BTRC: variants seen among roughly 807,000 people sequenced by gnomAD.
The protein encoded by BTRC is beta-transducin repeat containing E3 ubiquitin protein ligase.
Under a neutral mutation model 85.5 loss-of-function variants are expected in BTRC, and 42 were observed. The observed-to-expected ratio is 0.49, with a 90% CI of 0.38 to 0.64. The LOEUF is 0.64. BTRC is among the 30% of genes least tolerant of loss of function. The pLI, the probability that BTRC is intolerant of heterozygous loss-of-function variation, is 0.00. For missense variants in BTRC, 594 were observed against 743.5 expected (o/e 0.80, Z 2.34); for synonymous variants, 255 against 263.3 (o/e 0.97, Z 0.30).
intron 2 of BTRC, among the ~76,000 whole-genome samples, chr10:101,460,256 G>T (rs1050748543): frequency 6.6e-6 from 1 of 151,874 alleles, no homozygotes; most frequent in African/African-American, 2.4e-5. Flanking sequence ...CATACAACTT[G>T]ATGTTATGGG....
At chr10:101,467,675 T>G (rs1198116829) in intron 3 of BTRC, among the ~76,000 whole-genome samples, 2 of 152,082 alleles carry the variant, frequency 1.3e-5, no homozygotes, top group Non-Finnish European at 2.9e-5. Flanking sequence ...TTTGCCCTCC[T>G]AAAGTGCTTT....
chr10:101,534,925 T>C lies in BTRC; in HGVS notation c.1347+15T>C. On this transcript the variant is annotated intron_variant, in intron 10 of 14. Transcript: ENST00000370187. ...GAACTATAAAGGTAATAAGGCATTT[T>C]TCAGTAAGTTTCCAACTTAGAATGG... 3 of 1,604,400 alleles carry C rather than the reference T, an allele frequency of 1.9e-6. No individual in the cohort carries two copies. The highest frequency in any genetic ancestry group is 1.7e-6 in the Non-Finnish European group (2 of 1,171,594).
chr10:101,420,484 C>T (rs995245079), intron 1 of BTRC, among the ~76,000 whole-genome samples: 8 of 152,074 alleles, frequency 5.3e-5, no homozygotes, highest in South Asian at 2.1e-4. Context: ...CTTCTGCCGA[C>T]ATGGGCAACC....
At chr10:101,489,417 A>G (rs1055307688) in intron 4 of BTRC, among the ~76,000 whole-genome samples, 1 of 152,116 alleles carries the variant, frequency 6.6e-6, no homozygotes, top group African/African-American at 2.4e-5. Context: ...TAATACTTGT[A>G]TGGATTTTTG....
chr10:101,511,719 G>A (rs1171344709), intron 4 of BTRC, among the ~76,000 whole-genome samples: 7 of 152,104 alleles, frequency 4.6e-5, no homozygotes, highest in Non-Finnish European at 1.0e-4. Context: ...ACAGGATTTC[G>A]CTATGTATGC....
Position 101,390,136 on chromosome 10 carries a change from T to C in BTRC, c.48+35908T>C, listed in dbSNP as rs141592950. On this transcript the variant is annotated intron_variant, in intron 1 of 14. Coordinates refer to ENST00000370187, the MANE Select transcript of BTRC (RefSeq NM_033637.4). ...ATAGTAAAATTTTGTGTTTTACTCT[T>C]GAGTATATCCCAGTGCATGACATGT... Among the ~76,000 whole-genome samples, 920 of 152,300 alleles carry C rather than the reference T, an allele frequency of 6.0e-3. 7 individuals carry two copies. The highest frequency in any genetic ancestry group is 0.021 in the African/African-American group (864 of 41,560).
intron 1 of BTRC, among the ~76,000 whole-genome samples, chr10:101,419,260 G>A (rs577719332): frequency 1.1e-3 from 161 of 152,012 alleles, no homozygotes; most frequent in Non-Finnish European, 1.9e-3. Context: ...ATCCACCCAC[G>A]TCGGCCTCCC....
chr10:101,415,464 A>C (rs1007384709), intron 1 of BTRC, among the ~76,000 whole-genome samples: 6 of 4,212 alleles, frequency 1.4e-3, no homozygotes, highest in Non-Finnish European at 8.5e-3. Context: ...CACCACTTTT[A>C]TTTTATTTTA....
chr10:101,490,894 A>G (rs924283698), intron 4 of BTRC, among the ~76,000 whole-genome samples: 3 of 152,102 alleles, frequency 2.0e-5, no homozygotes, highest in Non-Finnish European at 2.9e-5. Flanking sequence ...CTTTGTCTCT[A>G]CTAAAAATAC....
At chr10:101,448,982 G>A (rs918668443) in intron 2 of BTRC, among the ~76,000 whole-genome samples, 2 of 151,746 alleles carry the variant, frequency 1.3e-5, no homozygotes, top group African/African-American at 4.8e-5. Context: ...TCATTAGTTG[G>A]GAAGGACACA....
At chr10:101,396,200 A>T (rs1943358289) in intron 1 of BTRC, among the ~76,000 whole-genome samples, 1 of 151,136 alleles carries the variant, frequency 6.6e-6, no homozygotes, top group Non-Finnish European at 1.5e-5. Context: ...ATTTCCCAAC[A>T]TGATGGACCT....
intron 1 of BTRC, among the ~76,000 whole-genome samples, chr10:101,360,116 G>A (rs1942157839): frequency 6.7e-6 from 1 of 149,570 alleles, no homozygotes; most frequent in South Asian, 2.1e-4. Flanking sequence ...GTACAGTGGT[G>A]CAACCTTGGC....
chr10:101,399,834 G>GA (rs796135809), intron 1 of BTRC, among the ~76,000 whole-genome samples: 6 of 151,412 alleles, frequency 4.0e-5, no homozygotes, highest in East Asian at 1.9e-4. Context: ...TTTCCTGGAA[G>GA]AAAAAAAAAT....
At chr10:101,369,923 C>A (rs1426794648) in intron 1 of BTRC, among the ~76,000 whole-genome samples, 1 of 152,168 alleles carries the variant, frequency 6.6e-6, no homozygotes, top group Non-Finnish European at 1.5e-5. Flanking sequence ...GTTCCCCACA[C>A]CCACTATATA....
intron 11 of BTRC, among the ~76,000 whole-genome samples, chr10:101,535,775 A>G (rs1046525836): frequency 1.3e-5 from 2 of 152,230 alleles, no homozygotes; most frequent in African/African-American, 4.8e-5. Context: ...ACTAGAAATT[A>G]TGTAATTTTT....
At chr10:101,472,851 C>T (rs568776765) in intron 3 of BTRC, among the ~76,000 whole-genome samples, 2 of 152,290 alleles carry the variant, frequency 1.3e-5, no homozygotes, top group South Asian at 4.1e-4. Flanking sequence ...TACCTAACAT[C>T]CCCTTTTTCC....
chr10:101,427,113 CTTTTTTTTTTTT>C (rs138285266), intron 1 of BTRC, among the ~76,000 whole-genome samples: 10 of 109,364 alleles, frequency 9.1e-5, no homozygotes, highest in Admixed American at 2.1e-4. Flanking sequence ...TTTTTTCTTT[CTTTTTTTTTTTT>C]TTTTTTTTTT....
At chr10:101,445,818 C>G (rs1944808786) in intron 2 of BTRC, among the ~76,000 whole-genome samples, 1 of 152,160 alleles carries the variant, frequency 6.6e-6, no homozygotes, top group Admixed American at 6.5e-5. Flanking sequence ...GTTGTGTACC[C>G]TGAGGATGAA....
intron 4 of BTRC, among the ~76,000 whole-genome samples, chr10:101,482,909 G>C (rs1945879255): frequency 6.6e-6 from 1 of 152,160 alleles, no homozygotes; most frequent in Non-Finnish European, 1.5e-5. Flanking sequence ...GCCTGAATCT[G>C]TAACCATTTC....
Sources: gnomAD v4.1 joint callset for allele counts (sites outside exome capture counted in the v4.1 genomes callset) on GRCh38, gnomAD v4.1.1 for gene constraint, MANE v1.5 for transcripts, NCBI Gene and HGNC (gene_info 2026-07-23, HGNC 2026-07-21) for gene names.